The following SPACA1 variants were observed in gnomAD, a reference collection of about 807,000 sequenced individuals.
The protein encoded by SPACA1 is sperm acrosome associated 1.
Under a neutral mutation model 32.6 loss-of-function variants are expected in SPACA1, and 17 were observed. The ratio of observed to expected loss-of-function variants is 0.52; its 90% CI spans 0.36 to 0.78. The LOEUF is 0.78. Ranked by LOEUF, SPACA1 falls within the 30% of genes least tolerant of loss-of-function variation. The probability of loss-of-function intolerance (pLI) is 0.01; values close to 1 mark genes in which losing one functional copy is unlikely to be tolerated. For missense variants in SPACA1, 363 were observed against 373.4 expected, an observed-to-expected ratio of 0.97 and a Z score of 0.23; for synonymous variants, 140 against 138.1, an observed-to-expected ratio of 1.01 and a Z score of -0.10.
intron 6 of SPACA1, among the ~76,000 whole-genome samples, chr6:88,065,400 T>A (rs1775966964): frequency 6.8e-6 from 1 of 147,528 alleles, no homozygotes; most frequent in Non-Finnish European, 1.5e-5. Flanking sequence ...ATATGACCTG[T>A]ATACAGTATA....
intron 2 of SPACA1, 43 bp downstream of exon 2, chr6:88,054,045 C>CG (rs566006131): frequency 1.1e-4 from 180 of 1,579,020 alleles, no homozygotes; most frequent in Non-Finnish European, 1.5e-4. Context: ...TTGTAATTTG[C>CG]GGGGGAGGAA....
At chr6:88,054,277 A>G (rs187555218) in intron 2 of SPACA1, among the ~76,000 whole-genome samples, 4 of 144,276 alleles carry the variant, frequency 2.8e-5, no homozygotes, top group East Asian at 2.0e-4. Context: ...AATTTTCTCT[A>G]TCTCACAGAT....
At position 88,047,995 on chromosome 6, in the gene SPACA1, C is replaced by T; in HGVS notation, c.90C>T (p.Thr30=). ...CGGGCCTCCAGTCCGCGCGCGGGAC[C>T]AACGTCACCGCTGCCGTCCAGGATG... is the stretch of plus-strand genomic sequence containing the variant. ...LLAGLQSARG[T]NVTAAVQDAG... Residue 30 remains threonine, a synonymous_variant, in exon 1 of 7, where the codon ACC becomes ACT. Coordinates refer to ENST00000237201, the MANE Select transcript of SPACA1 (RefSeq NM_030960.3). 6.3e-7 allele frequency: 1 copy of T among 1,579,480 alleles called. No individual in the cohort carries two copies. Among genetic ancestry groups the T allele is most frequent in the East Asian group, 2.3e-5 (1 of 43,554 alleles).
rs745906077 is a variant in SPACA1, at chr6:88,057,721, G to C, written c.367+8G>C. The C allele has an allele frequency of 6.2e-7, 1 of 1,611,210 alleles. No homozygotes were observed. The highest frequency in any genetic ancestry group is 8.5e-7 in the Non-Finnish European group (1 of 1,177,436). ...GACCAACAGATTGTGGCTGTGAGTT[G>C]AATTATGTATTGGAGGGAGACTGTG... On this transcript the variant is annotated splice_region_variant and intron_variant, in intron 3 of 6. Coordinates refer to ENST00000237201, the MANE Select transcript of SPACA1 (RefSeq NM_030960.3).
intron 5 of SPACA1, among the ~76,000 whole-genome samples, chr6:88,063,131 A>T (rs895934750): frequency 6.6e-6 from 1 of 152,200 alleles, no homozygotes; most frequent in Non-Finnish European, 1.5e-5. Context: ...AGTCAGTACA[A>T]TCAGTTTGAG....
chr6:88,059,615 G>A (rs769308283), intron 5 of SPACA1, 27 bp downstream of exon 5: 1 of 1,580,118 alleles, frequency 6.3e-7, no homozygotes, highest in Non-Finnish European at 8.6e-7. Context: ...GTCTTGGTTT[G>A]CTTATATGCC....
At chr6:88,058,405 G>A (rs1354332113) in intron 3 of SPACA1, among the ~76,000 whole-genome samples, 2 of 152,170 alleles carry the variant, frequency 1.3e-5, no homozygotes, top group East Asian at 1.9e-4. Flanking sequence ...GGGAGGCCGA[G>A]GCAGGAGGAT....
rs760015701 is a variant in SPACA1 at position 88,048,031 on chromosome 6, C to T, written c.126C>T (p.Ala42=). The T allele has an allele frequency of 1.9e-6, 3 of 1,600,524 alleles. No individual in the cohort carries two copies. The highest frequency in any genetic ancestry group is 1.3e-5 in the African/African-American group (1 of 74,890). ...VTAAVQDAGL[A]HEGEGEEETE... ...CTGCCGTCCAGGATGCCGGCCTGGC[C>T]CACGAAGGCGAGGGCGAGGAGGAGA... is the stretch of plus-strand genomic sequence containing the variant. Residue 42 remains alanine (A), a synonymous_variant, in exon 1 of 7, where the codon GCC becomes GCT. Transcript: ENST00000237201.
upstream of SPACA1, chr6:88,047,723 T>C (rs1443315898): frequency 1.6e-6 from 1 of 634,204 alleles, no homozygotes; most frequent in African/African-American, 1.9e-5. Flanking sequence ...GCAGCCTAGC[T>C]CCGCGCGAGT....
chr6:88,048,357 A>C (rs911532854), intron 1 of SPACA1, among the ~76,000 whole-genome samples: 1 of 152,222 alleles, frequency 6.6e-6, no homozygotes, highest in Non-Finnish European at 1.5e-5. Flanking sequence ...AAACACTTCT[A>C]AATATTGCTT....
At chr6:88,056,067 G>A (rs747361639) in intron 2 of SPACA1, among the ~76,000 whole-genome samples, 3 of 150,262 alleles carry the variant, frequency 2.0e-5, no homozygotes, top group African/African-American at 7.3e-5. Flanking sequence ...TTCTAAAGAC[G>A]CTTTCAGGTT....
intron 1 of SPACA1, among the ~76,000 whole-genome samples, chr6:88,052,788 G>T (rs1775748391): frequency 6.6e-6 from 1 of 152,122 alleles, no homozygotes; most frequent in African/African-American, 2.4e-5. Context: ...AGTGAGCCGG[G>T]ATCATGCCAC....
chr6:88,047,008 A>G (rs1219349218), upstream of SPACA1, among the ~76,000 whole-genome samples: 2 of 152,184 alleles, frequency 1.3e-5, no homozygotes, highest in African/African-American at 2.4e-5. Flanking sequence ...ATGGCACCCT[A>G]TATGTCTTTT....
At chr6:88,056,324 A>G (rs1775806750) in intron 2 of SPACA1, among the ~76,000 whole-genome samples, 1 of 152,240 alleles carries the variant, frequency 6.6e-6, no homozygotes, top group Admixed American at 6.5e-5. Context: ...ACTGCACTCT[A>G]GCCTCTGCAA....
intron 1 of SPACA1, among the ~76,000 whole-genome samples, chr6:88,051,714 T>G (rs889210559): frequency 6.6e-6 from 1 of 152,262 alleles, no homozygotes; most frequent in African/African-American, 2.4e-5. Flanking sequence ...GTTGGCTTTT[T>G]AGCTGTATGT....
chr6:88,052,965 G>A (rs1775752121), intron 1 of SPACA1, among the ~76,000 whole-genome samples: 1 of 152,224 alleles, frequency 6.6e-6, no homozygotes, highest in Admixed American at 6.5e-5. Flanking sequence ...TACAAAATGA[G>A]TTTAAATTGG....
chr6:88,050,546 T>C (rs1775713313), intron 1 of SPACA1, among the ~76,000 whole-genome samples: 1 of 152,240 alleles, frequency 6.6e-6, no homozygotes, highest in Admixed American at 6.5e-5. Flanking sequence ...AATGAAAAAT[T>C]GTGAAATCTC....
Position 88,066,432 on chromosome 6 carries a change from C to A in SPACA1, c.*97C>A. On this transcript the variant is annotated 3_prime_UTR_variant, in exon 7 of 7. Coordinates refer to ENST00000237201, the MANE Select transcript of SPACA1 (RefSeq NM_030960.3). ...ACATTGAAATACTTTAATAATGTTG[C>A]GATGGATTGCCACAGTGTGAAGGAA... 1 of 1,175,166 alleles carries A rather than the reference C, an allele frequency of 8.5e-7. No individual in the cohort carries two copies. The highest frequency in any genetic ancestry group is 2.1e-5 in the South Asian group (1 of 46,596). 72.8% of individuals were successfully genotyped at this position (1,175,166 alleles called of 1,614,324 possible). A position where few individuals can be genotyped will look rare whatever the true frequency, so the allele number is the denominator to read the frequency against.
At chr6:88,058,340 A>C (rs1582272413) in intron 3 of SPACA1, among the ~76,000 whole-genome samples, 2 of 152,188 alleles carry the variant, frequency 1.3e-5, no homozygotes, top group Admixed American at 1.3e-4. Flanking sequence ...TTGATTTTTA[A>C]AACTGGAGGT....
Sources: allele counts gnomAD v4.1 joint callset (sites outside exome capture counted in the v4.1 genomes callset), GRCh38; gene constraint gnomAD v4.1.1; transcripts MANE v1.5; gene names NCBI Gene and HGNC (gene_info 2026-07-23, HGNC 2026-07-21).